Variants in DNM3 observed in about 807,000 individuals in gnomAD.
The protein encoded by DNM3 is dynamin-3.
DNM3 carries 47 observed loss-of-function variants against 101.6 expected under a neutral mutation model. The observed-to-expected ratio is 0.46, with a 90% CI of 0.37 to 0.59. The LOEUF is 0.59. DNM3 is among the 20% of genes least tolerant of loss of function. DNM3 has a pLI of 0.00. For missense variants in DNM3, 849 were observed against 1,085.7 expected, an observed-to-expected ratio of 0.78 and a Z score of 3.06; for synonymous variants, 385 against 387.9, an observed-to-expected ratio of 0.99 and a Z score of 0.09.
intron 4 of DNM3, among the ~76,000 whole-genome samples, chr1:172,011,805 C>T (rs919690356): frequency 1.3e-5 from 2 of 151,946 alleles, no homozygotes; most frequent in Non-Finnish European, 2.9e-5. Context: ...TCTCTAATTC[C>T]TTTTTATTTC....
intron 15 of DNM3, among the ~76,000 whole-genome samples, chr1:172,262,747 C>A (rs1036722624): frequency 7.9e-5 from 12 of 152,144 alleles, no homozygotes; most frequent in Non-Finnish European, 1.3e-4. Context: ...CATCTTGAAG[C>A]CCCCTCTTTG....
chr1:172,283,780 A>AAAAAAAAAAAAAGAAAG lies in DNM3; in HGVS notation c.1770-24945_1770-24944insAAAAAAAAAGAAAGAAA, dbSNP rs1553221113. Among the ~76,000 whole-genome samples the AAAAAAAAAAAAAGAAAG allele has an allele frequency of 1.3e-3, 149 of 118,986 alleles. 6 individuals carry two copies. Among genetic ancestry groups the AAAAAAAAAAAAAGAAAG allele is most frequent in the Non-Finnish European group, 2.2e-3 (126 of 58,424 alleles). The allele number at this position is 118,986 out of a possible 152,430, so 78.1% of individuals were successfully genotyped here. On this transcript the variant is annotated intron_variant, in intron 15 of 20. Coordinates refer to ENST00000627582, the MANE Select transcript of DNM3 (RefSeq NM_015569.5). ...ATCTCAAAAAAAAAAAAAAAAAAAA[A>AAAAAAAAAAAAAGAAAG]AAAGAAAGAAAGAAAGAAAACCAAG...
rs2045462032 is a variant in DNM3, at chr1:171,988,981, C to T, written c.422C>T (p.Thr141Ile). 1 of 1,603,022 alleles carries T rather than the reference C, an allele frequency of 6.2e-7. No individual in the cohort carries two copies. The highest frequency in any genetic ancestry group is 8.5e-7 in the Non-Finnish European group (1 of 1,174,214). Residue 141 changes from threonine (T) to isoleucine (I), a missense_variant, in exon 4 of 21, where the codon ACT becomes ATT. This residue lies in a region of DNM3 where 388 missense variants were observed against 483.0 expected (regional missense o/e 0.80). Coordinates refer to ENST00000627582, the MANE Select transcript of DNM3 (RefSeq NM_015569.5). ...ACCCTTATTGATCTACCTGGAATAA[C>T]TAAAGTGCCTGTGGGAGATCAGCCA... ...NLTLIDLPGI[T>I]KVPVGDQPPD...
At chr1:171,884,007 G>A (rs2036550968) in intron 1 of DNM3, among the ~76,000 whole-genome samples, 1 of 152,166 alleles carries the variant, frequency 6.6e-6, no homozygotes, top group Non-Finnish European at 1.5e-5. Context: ...CATTCTCTTG[G>A]TCTGACTGCT....
intron 2 of DNM3, among the ~76,000 whole-genome samples, chr1:171,961,225 C>A (rs535015210): frequency 1.3e-5 from 2 of 151,978 alleles, no homozygotes; most frequent in Admixed American, 1.3e-4. Context: ...GTTGGTGAGA[C>A]AATGAGCTCA....
intron 14 of DNM3, among the ~76,000 whole-genome samples, chr1:172,242,917 A>G (rs2061804376): frequency 6.6e-6 from 1 of 152,160 alleles, no homozygotes; most frequent in Non-Finnish European, 1.5e-5. Flanking sequence ...TCTTTATGCT[A>G]GGTCAACAAA....
At chr1:172,058,564 T>C (rs553153201) in intron 10 of DNM3, among the ~76,000 whole-genome samples, 1 of 152,090 alleles carries the variant, frequency 6.6e-6, no homozygotes, top group Non-Finnish European at 1.5e-5. Flanking sequence ...CTCAACTACA[T>C]GGAAACTGAA....
Position 172,412,343 on chromosome 1 carries a change from C to T in DNM3, c.*4502C>T, listed in dbSNP as rs1318934041. 6 of 985,616 alleles carry T rather than the reference C, an allele frequency of 6.1e-6. No homozygotes were observed. Among genetic ancestry groups the T allele is most frequent in the Non-Finnish European group, 7.2e-6 (6 of 829,902 alleles). The allele number at this position is 985,616 out of a possible 1,614,324, so 61.1% of individuals were successfully genotyped here. ...ACCAGTTTGTTAAAAATTATTCCCCCCAACCAGTAATTCCACCAGTACTAC... is the reference window on the plus strand; with the variant it reads ...ACCAGTTTGTTAAAAATTATTCCCCTCAACCAGTAATTCCACCAGTACTAC... On this transcript the variant is annotated 3_prime_UTR_variant, in exon 21 of 21. Transcript: ENST00000627582.
chr1:171,857,140 T>C (rs537369890), intron 1 of DNM3, among the ~76,000 whole-genome samples: 1 of 152,134 alleles, frequency 6.6e-6, no homozygotes, highest in East Asian at 1.9e-4. Flanking sequence ...TAGGAAGCAA[T>C]GAGGAGCTGT....
At position 172,092,822 on chromosome 1, in the gene DNM3, A is replaced by G; in HGVS notation, c.1494-2A>G. On this transcript the variant is annotated splice_acceptor_variant, in intron 12 of 20. Transcript: ENST00000627582. LOFTEE classifies it high-confidence loss of function. The stretch of plus-strand genomic sequence containing the variant: ...AGTGCTGCTTTCCTTTGCTTTTCTC[A>G]GTGCTCAGCAGAGGAGCAGTCAGGT... The G allele has an allele frequency of 6.4e-7, 1 of 1,555,452 alleles. No homozygotes were observed. Among genetic ancestry groups the G allele is most frequent in the Non-Finnish European group, 8.7e-7 (1 of 1,148,886 alleles).
chr1:171,949,517 C>T (rs1019258567), intron 2 of DNM3, among the ~76,000 whole-genome samples: 1 of 152,154 alleles, frequency 6.6e-6, no homozygotes, highest in Admixed American at 6.6e-5. Context: ...TTGAGCAATC[C>T]TCCCACCTCA....
At chr1:172,404,451 TCTC>T (rs973041024) in intron 20 of DNM3, among the ~76,000 whole-genome samples, 9 of 152,036 alleles carry the variant, frequency 5.9e-5, no homozygotes, top group Non-Finnish European at 1.2e-4. Context: ...AACCATATGT[TCTC>T]CTCATCTCCT....
At chr1:172,088,980 C>T (rs1479035588) in intron 12 of DNM3, among the ~76,000 whole-genome samples, 2 of 152,238 alleles carry the variant, frequency 1.3e-5, no homozygotes, top group African/African-American at 2.4e-5. Context: ...TCTCAGCATA[C>T]ACCAATTTGG....
intron 13 of DNM3, among the ~76,000 whole-genome samples, chr1:172,105,659 G>A (rs965575806): frequency 1.3e-5 from 2 of 151,824 alleles, no homozygotes; most frequent in South Asian, 2.1e-4. Flanking sequence ...TTGTTGATTG[G>A]GTATGTGTAA....
At chr1:171,870,496 A>AC (rs1281660370) in intron 1 of DNM3, among the ~76,000 whole-genome samples, 4 of 152,180 alleles carry the variant, frequency 2.6e-5, no homozygotes, top group South Asian at 2.1e-4. Flanking sequence ...AAACAAACAA[A>AC]AAAAAACCCT....
chr1:172,213,258 C>G (rs2060573949), intron 14 of DNM3, among the ~76,000 whole-genome samples: 1 of 102,162 alleles, frequency 9.8e-6, no homozygotes, highest in African/African-American at 7.0e-5. Context: ...AAATTACAGG[C>G]TGATCTTGCT....
At chr1:171,896,887 T>C (rs1186454929) in intron 1 of DNM3, among the ~76,000 whole-genome samples, 2 of 152,136 alleles carry the variant, frequency 1.3e-5, no homozygotes, top group African/African-American at 4.8e-5. Context: ...TTAAAAACTT[T>C]TAGGCAGTGT....
chr1:171,911,273 C>CTTTTTTTTT lies in DNM3; in HGVS notation c.162-10459_162-10451dup, dbSNP rs151321245. Among the ~76,000 whole-genome samples, 22 of 90,758 alleles carry CTTTTTTTTT rather than the reference C, an allele frequency of 2.4e-4. 2 individuals carry two copies. Among genetic ancestry groups the CTTTTTTTTT allele is most frequent in the East Asian group, 8.0e-4 (2 of 2,486 alleles). The allele number at this position is 90,758 out of a possible 152,430, so 59.5% of individuals were successfully genotyped here. ...TAAATACCTCACTTTACCCCAACAT[C>CTTTTTTTTT]TTTTTTTTTTTTTTTTTTTTTTTTG... On this transcript the variant is annotated intron_variant, in intron 1 of 20. Coordinates refer to ENST00000627582, the MANE Select transcript of DNM3 (RefSeq NM_015569.5).
chr1:172,370,300 C>T (rs996449342), intron 17 of DNM3: 1 of 151,914 alleles, frequency 6.6e-6, no homozygotes, highest in African/African-American at 2.4e-5. Context: ...CACCAAAACA[C>T]TGTATCATCA....
Sources: gnomAD v4.1 joint callset for allele counts (sites outside exome capture counted in the v4.1 genomes callset) on GRCh38, gnomAD v4.1.1 for gene constraint, gnomAD v4.1.1 regional missense constraint, MANE v1.5 for transcripts, NCBI Gene and HGNC (gene_info 2026-07-23, HGNC 2026-07-21) for gene names.